The following ITIH6 variants were observed in gnomAD, a reference collection of about 807,000 sequenced individuals.
ITIH6 encodes the protein inter-alpha-trypsin inhibitor heavy chain family member 6.
A neutral mutation model predicts 58.2 loss-of-function variants in ITIH6; 60 were observed. That is an observed-to-expected ratio of 1.03 (90% CI 0.84 to 1.28). The LOEUF is 1.28. Ranked by LOEUF, ITIH6 falls within the 50% of genes most tolerant of loss-of-function variation. The probability of loss-of-function intolerance (pLI) is 0.00; values close to 1 mark genes in which losing one functional copy is unlikely to be tolerated. For synonymous variants in ITIH6, 493 were observed against 417.4 expected (o/e 1.18, Z -2.21); for missense variants, 1,290 against 1,021.1 (o/e 1.26, Z -3.59).
intron 6 of ITIH6, among the ~76,000 whole-genome samples, chrX:54,761,192 T>G (rs1474744579): frequency 2.7e-5 from 3 of 112,525 alleles, no homozygotes; most frequent in African/African-American, 9.7e-5. Context: ...TGGCCAGTGA[T>G]GATGAGCATT....
chrX:54,753,251 A>T (rs1005837286), intron 11 of ITIH6, among the ~76,000 whole-genome samples: 5 of 113,047 alleles, frequency 4.4e-5, no homozygotes, highest in Admixed American at 1.9e-4. Context: ...AAAATACTGC[A>T]TTAACATGGT....
Position 54,790,921 on chromosome X carries a change from C to T in ITIH6, c.532G>A (p.Val178Ile), listed in dbSNP as rs771473756. ...ATGCCTGTCCTTTCTGACACTGTAACCTCTATGCTCAGCCTCTTCACCAAT... is the reference window on the plus strand; with the variant it reads ...ATGCCTGTCCTTTCTGACACTGTAATCTCTATGCTCAGCCTCTTCACCAAT... ...GQLVKRLSIE[V>I]TVSERTGISY... Residue 178 changes from valine (V) to isoleucine (I), a missense_variant, in exon 4 of 13, where the codon GTT becomes ATT. By Grantham distance (29) the Val-to-Ile change is conservative. Coordinates refer to ENST00000218436, the MANE Select transcript of ITIH6 (RefSeq NM_198510.3). 4.1e-6 allele frequency: 5 copies of T among 1,212,181 alleles called. No homozygotes were observed. In the Admixed American group the frequency reaches 1.1e-4, roughly 26 times the overall value.
chrX:54,769,429 C>T (rs1303101762), intron 6 of ITIH6, among the ~76,000 whole-genome samples: 29 of 104,109 alleles, frequency 2.8e-4, no homozygotes, highest in African/African-American at 7.5e-4. Flanking sequence ...TGAGGAACTG[C>T]GTTCCTTTGG....
At chrX:54,764,409 C>T (rs1165556199) in intron 6 of ITIH6, among the ~76,000 whole-genome samples, 1 of 107,676 alleles carries the variant, frequency 9.3e-6, no homozygotes, top group Admixed American at 1.0e-4. Flanking sequence ...TCCCTCCCCC[C>T]TTCCCCCTCC....
intron 6 of ITIH6, among the ~76,000 whole-genome samples, chrX:54,769,498 A>C (rs1280860278): frequency 1.9e-5 from 2 of 105,519 alleles, no homozygotes; most frequent in Non-Finnish European, 3.9e-5. Context: ...TTTTTTCCCC[A>C]TCTTTGTGGT....
chrX:54,755,445 C>A (rs756138857), intron 8 of ITIH6, among the ~76,000 whole-genome samples: 14 of 111,451 alleles, frequency 1.3e-4, no homozygotes, highest in Non-Finnish European at 1.3e-4. Flanking sequence ...TGAATGAAAT[C>A]ATAATTTATC....
intron 11 of ITIH6, among the ~76,000 whole-genome samples, chrX:54,752,145 A>C (rs1484826614): frequency 1.8e-5 from 2 of 111,724 alleles, no homozygotes; most frequent in East Asian, 5.6e-4. Flanking sequence ...GGAGTCTTCA[A>C]AAAGTTCATG....
Position 54,792,016 on chromosome X carries a change from T to C in ITIH6, c.278A>G (p.Tyr93Cys). 1 of 1,203,676 alleles carries C rather than the reference T, an allele frequency of 8.3e-7. No individual in the cohort carries two copies. Among genetic ancestry groups the C allele is most frequent in the Non-Finnish European group, 1.1e-6 (1 of 888,151 alleles). ...NFTMTINNKV[Y>C]IAEVKEKHQA... is the part of the protein sequence containing the mutation. ...GTGCTTCTCTTTGACTTCTGCAATG[T>C]AGACTTTATTGTTGATGGTCCTAAT... Residue 93 changes from tyrosine (Y) to cysteine (C), a missense_variant, in exon 3 of 13, where the codon TAC (tyrosine) becomes TGC (cysteine). Transcript: ENST00000218436.
At chrX:54,784,080 T>C (rs1208499158) in intron 5 of ITIH6, among the ~76,000 whole-genome samples, 1 of 111,593 alleles carries the variant, frequency 9.0e-6, no homozygotes. Context: ...AGAACATACA[T>C]TGGGGAAAGA....
rs1319325743 is a variant in ITIH6, at chrX:54,757,921, T to C, written c.2153A>G (p.Gln718Arg). Residue 718 changes from glutamine to arginine, a missense_variant, in exon 8 of 13, where the codon CAG becomes CGG. Physicochemically the swap from Gln to Arg is conservative, Grantham distance 43 (BLOSUM62 1). Coordinates refer to ENST00000218436, the MANE Select transcript of ITIH6 (RefSeq NM_198510.3). ...GGTAGGTTTTGTCCTGAGAGTTGGC[T>C]GGGCCAAGGTGCCAGAATCCTGTTG... is the stretch of plus-strand genomic sequence containing the variant. ...PAQQDSGTLA[Q>R]PTLRTKPTIL... The C allele has an allele frequency of 8.3e-7, 1 of 1,211,736 alleles. No homozygotes were observed.
chrX:54,790,992 C>T lies in ITIH6; in HGVS notation c.461G>A (p.Arg154Gln), dbSNP rs766278968. The T allele has an allele frequency of 1.2e-5, 15 of 1,210,933 alleles. No individual in the cohort carries two copies. The highest frequency in any genetic ancestry group is 5.2e-5 in the African/African-American group (3 of 57,464). The change falls in exon 4 of 13, where the codon CGG (arginine) becomes CAG (glutamine). Residue 154 changes from arginine (R) to glutamine (Q), a missense_variant. Arg to Gln is a conservative substitution (Grantham distance 43, BLOSUM62 1). Coordinates refer to ENST00000218436, the MANE Select transcript of ITIH6 (RefSeq NM_198510.3). ...CACCAGCTGGTACTGGCCCTGGTGC[C>T]GCTGAAGCAGTTCCTCATAGGCCAG... ...FSLAYEELLQRHQGQYQLVVS... is the reference protein window; with the variant it reads ...FSLAYEELLQQHQGQYQLVVS...
intron 5 of ITIH6, among the ~76,000 whole-genome samples, chrX:54,778,689 T>C (rs1176866645): frequency 3.6e-5 from 4 of 110,827 alleles, no homozygotes; most frequent in Non-Finnish European, 7.6e-5. Context: ...AATGAGGAGA[T>C]AGAGAAAGAG....
At chrX:54,768,261 CTTTTA>C (rs1928849055) in intron 6 of ITIH6, among the ~76,000 whole-genome samples, 1 of 58,295 alleles carries the variant, frequency 1.7e-5, no homozygotes. Context: ...TTCCTCCATC[CTTTTA>C]TTTTGAGCCT....
intron 5 of ITIH6, among the ~76,000 whole-genome samples, chrX:54,781,653 C>T (rs1227912286): frequency 8.9e-6 from 1 of 112,494 alleles, no homozygotes; most frequent in African/African-American, 3.2e-5. Context: ...GTTGGTTCAA[C>T]CACTATGGAA....
At chrX:54,788,747 G>T in intron 4 of ITIH6, 98 bp from the exon 5 acceptor site, 1 of 680,604 alleles carries the variant, frequency 1.5e-6, no homozygotes, top group Non-Finnish European at 2.3e-6. Flanking sequence ...TCTGGGGAGG[G>T]TGAGAAGTCT....
At chrX:54,752,542 G>T (rs1928386417) in intron 11 of ITIH6, among the ~76,000 whole-genome samples, 1 of 112,188 alleles carries the variant, frequency 8.9e-6, no homozygotes, top group Non-Finnish European at 1.9e-5. Context: ...TCTTGTTCAT[G>T]CTCTAATTGA....
intron 6 of ITIH6, among the ~76,000 whole-genome samples, chrX:54,768,407 G>C (rs1184991745): frequency 2.3e-5 from 2 of 87,554 alleles, no homozygotes; most frequent in Non-Finnish European, 4.3e-5. Context: ...AGTTAATATT[G>C]TTATGTGTGA....
In ITIH6 at chrX:54,781,233, G is replaced by T. The variant is rs745778212; in HGVS notation, c.787-7036C>A. Among the ~76,000 whole-genome samples, 156 of 111,943 alleles carry T rather than the reference G, an allele frequency of 1.4e-3. 2 individuals carry two copies. Among genetic ancestry groups the T allele is most frequent in the African/African-American group, 4.5e-3 (139 of 30,861 alleles). The stretch of plus-strand genomic sequence containing the variant: ...AAAGCAGTTGCAACAAAAGCAAAAA[G>T]AGACAAGTGGGATCCAATTAAACTA... On this transcript the variant is annotated intron_variant, in intron 5 of 12. Transcript: ENST00000218436.
At position 54,758,631 on chromosome X, in the gene ITIH6, G is replaced by A. The variant is rs1216097365; in HGVS notation, c.1443C>T (p.Tyr481=). Residue 481 remains tyrosine, a synonymous_variant, in exon 8 of 13, where the codon TAC becomes TAT. Coordinates refer to ENST00000218436, the MANE Select transcript of ITIH6 (RefSeq NM_198510.3). ...GGGAGGCCCCAACCAAGCCACCCAG[G>A]TAGTTCAGACGCACATCTGCCAGCA... ...MPLLADVRLN[Y]LGGLVGASPW... 1 of 1,210,051 alleles carries A rather than the reference G, an allele frequency of 8.3e-7. No individual in the cohort carries two copies. The highest frequency in any genetic ancestry group is 1.7e-5 in the African/African-American group (1 of 57,203).
Sources: allele counts gnomAD v4.1 joint callset (sites outside exome capture counted in the v4.1 genomes callset), GRCh38; gene constraint gnomAD v4.1.1; transcripts MANE v1.5; gene names NCBI Gene and HGNC (gene_info 2026-07-23, HGNC 2026-07-21).